Variants in MGAT4A observed in about 807,000 individuals in gnomAD.
MGAT4A encodes the protein N-acetylglucosaminyltransferase IVa.
A neutral mutation model predicts 74.1 loss-of-function variants in MGAT4A; 33 were observed. The observed-to-expected ratio is 0.45, with a 90% CI of 0.34 to 0.60. The LOEUF is 0.60. Among genes scored for constraint, MGAT4A ranks in the 20% least tolerant of loss-of-function variants. MGAT4A has a pLI of 0.02. For missense variants in MGAT4A, 479 were observed against 628.3 expected, an observed-to-expected ratio of 0.76 and a Z score of 2.54; for synonymous variants, 198 against 210.4, an observed-to-expected ratio of 0.94 and a Z score of 0.51.
intron 8 of MGAT4A, among the ~76,000 whole-genome samples, chr2:98,653,402 T>G (rs1191792179): frequency 6.7e-6 from 1 of 148,566 alleles, no homozygotes; most frequent in Non-Finnish European, 1.5e-5. Flanking sequence ...AGTTGGTTTT[T>G]GAAAAGATCA....
chr2:98,621,537 AC>A lies in MGAT4A; in HGVS notation c.*4028del, dbSNP rs758223102. On this transcript the variant is annotated 3_prime_UTR_variant, in exon 16 of 16. Coordinates refer to ENST00000393487, the MANE Select transcript of MGAT4A (RefSeq NM_012214.3). ...AAGGAGTCACAAGATTTGATTAGCC[AC>A]CCCCAGACAGTCTTCCTTTTGCTAC... 4.5e-6 allele frequency: 7 copies of A among 1,551,252 alleles called. No individual in the cohort carries two copies. The East Asian group carries it at 1.5e-4, about 33-fold the overall frequency.
intron 2 of MGAT4A, among the ~76,000 whole-genome samples, chr2:98,712,787 C>T (rs1434697564): frequency 6.6e-6 from 1 of 152,156 alleles, no homozygotes; most frequent in East Asian, 1.9e-4. Context: ...ACAAACTTTA[C>T]CAAATGAATA....
chr2:98,712,567 T>C (rs181615660), intron 2 of MGAT4A, among the ~76,000 whole-genome samples: 36 of 152,354 alleles, frequency 2.4e-4, no homozygotes, highest in Admixed American at 9.8e-4. Context: ...TGTACACTTA[T>C]GATTTGTGCA....
At chr2:98,633,358 T>C (rs1413748913) in intron 14 of MGAT4A, among the ~76,000 whole-genome samples, 2 of 152,174 alleles carry the variant, frequency 1.3e-5, no homozygotes, top group Non-Finnish European at 2.9e-5. Flanking sequence ...GAGCTGGGGG[T>C]ACTGTGAGTG....
Position 98,624,713 on chromosome 2 carries a change from A to T in MGAT4A, c.*853T>A. ...GTTTGTCATTTTACATATCAGAGGA[A>T]ATATAATAAGTTAAGTCTACAATAA... On this transcript the variant is annotated 3_prime_UTR_variant, in exon 16 of 16. Transcript: ENST00000393487. 4.1e-6 allele frequency: 4 copies of T among 983,276 alleles called. No individual in the cohort carries two copies. Among genetic ancestry groups the T allele is most frequent in the Non-Finnish European group, 4.8e-6 (4 of 827,792 alleles). The allele number at this position is 983,276 out of a possible 1,614,324, so 60.9% of individuals were successfully genotyped here.
At chr2:98,629,230 T>C (rs1701190081) in intron 14 of MGAT4A, among the ~76,000 whole-genome samples, 1 of 152,216 alleles carries the variant, frequency 6.6e-6, no homozygotes, top group Non-Finnish European at 1.5e-5. Flanking sequence ...ACAGCATAGT[T>C]AATAGATTAA....
chr2:98,704,010 C>A (rs1702387327), intron 2 of MGAT4A, among the ~76,000 whole-genome samples: 1 of 152,162 alleles, frequency 6.6e-6, no homozygotes, highest in African/African-American at 2.4e-5. Context: ...ACTCAGTCTG[C>A]CTAGTTGCTC....
chr2:98,656,032 G>A (rs1221997372), intron 7 of MGAT4A: 1 of 269,908 alleles, frequency 3.7e-6, no homozygotes, highest in Non-Finnish European at 7.0e-6. Flanking sequence ...AATAGGTACT[G>A]AATGCTTTAA....
Position 98,677,454 on chromosome 2 carries a change from A to C in MGAT4A, c.262+850T>G, listed in dbSNP as rs146396114. 3.7e-4 allele frequency among the ~76,000 whole-genome samples: 57 copies of C among 152,258 alleles called. 1 individual carries two copies. The East Asian group carries it at 7.9e-3, about 21-fold the overall frequency. On this transcript the variant is annotated intron_variant, in intron 3 of 15. Transcript: ENST00000393487. The stretch of plus-strand genomic sequence containing the variant: ...AATGAAATTTATTCCACTGCAATTT[A>C]ACTTTTTTTGTTTTTGAGATGGAGT...
intron 3 of MGAT4A, among the ~76,000 whole-genome samples, chr2:98,675,627 G>T (rs757627560): frequency 2.0e-5 from 3 of 149,754 alleles, no homozygotes; most frequent in African/African-American, 4.9e-5. Context: ...GTTCACTGTC[G>T]CCTTGACCTC....
chr2:98,713,269 C>CA (rs1702544182), intron 2 of MGAT4A, among the ~76,000 whole-genome samples: 2 of 148,264 alleles, frequency 1.3e-5, no homozygotes, highest in African/African-American at 2.5e-5. Flanking sequence ...TATACTTCAG[C>CA]AAAAAAAGAT....
At chr2:98,665,111 C>T (rs563600853) in intron 4 of MGAT4A, among the ~76,000 whole-genome samples, 4 of 151,988 alleles carry the variant, frequency 2.6e-5, no homozygotes, top group East Asian at 1.9e-4. Context: ...GGGTGGATCA[C>T]GAGGTCAGGA....
intron 14 of MGAT4A, among the ~76,000 whole-genome samples, chr2:98,632,182 A>C (rs1305900547): frequency 6.6e-6 from 1 of 152,196 alleles, no homozygotes; most frequent in Non-Finnish European, 1.5e-5. Flanking sequence ...CAAGCCACCT[A>C]TGGACAGCTA....
chr2:98,704,972 A>C (rs1325414018), intron 2 of MGAT4A, among the ~76,000 whole-genome samples: 1 of 152,144 alleles, frequency 6.6e-6, no homozygotes, highest in Non-Finnish European at 1.5e-5. Context: ...GGGAACAAAC[A>C]TCCCTTAAGG....
chr2:98,628,617 A>G (rs1205576349), intron 14 of MGAT4A, among the ~76,000 whole-genome samples: 1 of 152,204 alleles, frequency 6.6e-6, no homozygotes, highest in East Asian at 1.9e-4. Context: ...TGGGAGTATC[A>G]TTGTATTTAG....
At chr2:98,660,814 C>A (rs558838407) in intron 5 of MGAT4A, among the ~76,000 whole-genome samples, 6 of 152,168 alleles carry the variant, frequency 3.9e-5, no homozygotes, top group African/African-American at 1.2e-4. Context: ...TCTAAAACTA[C>A]CAGAAGAAAA....
intron 14 of MGAT4A, among the ~76,000 whole-genome samples, chr2:98,626,633 G>A (rs1701147763): frequency 6.6e-6 from 1 of 152,160 alleles, no homozygotes; most frequent in Non-Finnish European, 1.5e-5. Flanking sequence ...CAGGAAGAGA[G>A]AAAACAAATT....
intron 2 of MGAT4A, among the ~76,000 whole-genome samples, chr2:98,699,247 AC>A (rs1702317100): frequency 6.6e-6 from 1 of 152,206 alleles, no homozygotes; most frequent in Admixed American, 6.5e-5. Flanking sequence ...TCACATAGGC[AC>A]CCGCTGCCTA....
chr2:98,635,019 G>C (rs3731655), intron 14 of MGAT4A, among the ~76,000 whole-genome samples: 1,642 of 152,200 alleles, frequency 0.011, 14 homozygotes, highest in Middle Eastern at 0.024. Context: ...AGCACGGAAG[G>C]AGCGAGAAAG....
Sources: gnomAD v4.1 joint callset for allele counts (sites outside exome capture counted in the v4.1 genomes callset) on GRCh38, gnomAD v4.1.1 for gene constraint, MANE v1.5 for transcripts, NCBI Gene and HGNC (gene_info 2026-07-23, HGNC 2026-07-21) for gene names.